UBAP2L: variants seen among roughly 807,000 people sequenced by gnomAD.
UBAP2L encodes the protein ubiquitin associated protein 2 like.
In UBAP2L, 12 loss-of-function variants were observed where a neutral mutation model predicts 130.6. That is an observed-to-expected ratio of 0.09 (90% CI 0.06 to 0.15). The LOEUF (loss-of-function observed/expected upper bound fraction) is 0.15. UBAP2L is among the 10% of genes least tolerant of loss of function. UBAP2L has a pLI of 1.00. For missense variants in UBAP2L, 965 were observed against 1,332.5 expected, an observed-to-expected ratio of 0.72 and a Z score of 4.29; for synonymous variants, 503 against 524.7, an observed-to-expected ratio of 0.96 and a Z score of 0.57.
In UBAP2L at chr1:154,257,338, T is replaced by C. The variant is rs763717963; in HGVS notation, c.2354-8T>C. ...TGTGATGGGATAAAAATGTAATTTC[T>C]CTTTTAGGAAAAGCTCCTCCCAACC... On this transcript the variant is annotated splice_region_variant and splice_polypyrimidine_tract_variant and intron_variant, in intron 19 of 26. Transcript: ENST00000428931. The C allele has an allele frequency of 6.2e-7, 1 of 1,614,144 alleles. No homozygotes were observed. The highest frequency in any genetic ancestry group is 1.1e-5 in the South Asian group (1 of 91,080).
rs1671925805 is a variant in UBAP2L, at chr1:154,237,080, A to G, written c.647A>G (p.Asn216Ser). ...EPANTDDNYG[N>S]SSGNTWNNTG... ...GCCAATACTGATGATAACTATGGCA[A>G]TAGCAGCGGCAATACGTGGAACAAC... The change falls in exon 8 of 27, where the codon AAT becomes AGT. Residue 216 changes from asparagine (N) to serine (S), a missense_variant. By Grantham distance (46) the Asn-to-Ser change is conservative. Coordinates refer to ENST00000428931, the MANE Select transcript of UBAP2L (RefSeq NM_014847.4). 2 of 1,614,212 alleles carry G rather than the reference A, an allele frequency of 1.2e-6. No homozygotes were observed. Among genetic ancestry groups the G allele is most frequent in the South Asian group, 1.1e-5 (1 of 91,084 alleles).
Position 154,251,552 on chromosome 1 carries a change from G to A in UBAP2L, c.1563G>A (p.Leu521=), listed in dbSNP as rs780427408. 1 of 1,614,100 alleles carries A rather than the reference G, an allele frequency of 6.2e-7. No individual in the cohort carries two copies. Among genetic ancestry groups the A allele is most frequent in the Non-Finnish European group, 8.5e-7 (1 of 1,180,016 alleles). The change falls in exon 14 of 27, where the codon TTG becomes TTA. Residue 521 remains leucine, a synonymous_variant. Transcript: ENST00000428931. ...ISGLNLQFGA[L]QFGSEPVLSD... ...GGCTAAACCTGCAGTTTGGGGCATT[G>A]CAGTTTGGGTCAGAGCCTGTCCTTT...
intron 24 of UBAP2L, among the ~76,000 whole-genome samples, chr1:154,262,648 A>C (rs930968715): frequency 6.6e-6 from 1 of 152,166 alleles, no homozygotes; most frequent in East Asian, 1.9e-4. Flanking sequence ...ATAATTGGGA[A>C]GAGCACAGAA....
chr1:154,249,191 A>T, intron 11 of UBAP2L, 48 bp from the exon 12 acceptor site: 1 of 1,596,724 alleles, frequency 6.3e-7, no homozygotes, highest in Non-Finnish European at 8.6e-7. Flanking sequence ...GAGTAGCTGA[A>T]CAAGGTTACT....
In UBAP2L at chr1:154,270,202, G is replaced by A. The variant is rs372355938; in HGVS notation, c.3171G>A (p.Thr1057=). ...LHHHLQQDGQ[T]GSGQRSQTSS... The stretch of plus-strand genomic sequence containing the variant: ...ATGATCCTCCCATTCCCCTGCAGAC[G>A]GGCAGCGGGCAACGTAGCCAGACCA... The change falls in exon 27 of 27, where the codon ACG becomes ACA. Residue 1057 remains threonine, a splice_region_variant and synonymous_variant. Coordinates refer to ENST00000428931, the MANE Select transcript of UBAP2L (RefSeq NM_014847.4). The A allele has an allele frequency of 6.9e-6, 11 of 1,596,170 alleles. No individual in the cohort carries two copies. Among genetic ancestry groups the A allele is most frequent in the East Asian group, 2.2e-5 (1 of 44,492 alleles).
chr1:154,253,312 T>G (rs1678441047), intron 14 of UBAP2L, among the ~76,000 whole-genome samples: 1 of 152,106 alleles, frequency 6.6e-6, no homozygotes, highest in Non-Finnish European at 1.5e-5. Flanking sequence ...CCACTTTTTC[T>G]TATAACAGCA....
At chr1:154,233,139 G>A (rs1461532932) in intron 4 of UBAP2L, among the ~76,000 whole-genome samples, 4 of 151,716 alleles carry the variant, frequency 2.6e-5, no homozygotes, top group African/African-American at 7.3e-5. Flanking sequence ...CCAGTCTCCC[G>A]AGTAGCGGGG....
intron 25 of UBAP2L, 42 bp downstream of exon 25, chr1:154,266,610 A>G (rs780157080): frequency 4.4e-6 from 7 of 1,594,576 alleles, no homozygotes; most frequent in South Asian, 2.2e-5. Context: ...AGAGATAGAC[A>G]TAGAGGAGGT....
chr1:154,239,611 A>C (rs1672827108), intron 8 of UBAP2L, among the ~76,000 whole-genome samples: 1 of 152,164 alleles, frequency 6.6e-6, no homozygotes, highest in African/African-American at 2.4e-5. Context: ...CTCAGCCATG[A>C]CCGTATATCC....
At chr1:154,228,537 T>G (rs1668742576) in intron 3 of UBAP2L, 78 bp from the exon 4 acceptor site, 1 of 1,117,994 alleles carries the variant, frequency 8.9e-7, no homozygotes, top group South Asian at 1.3e-5. Context: ...CTGATAGCGT[T>G]TCCCTTCACC....
intron 26 of UBAP2L, 131 bp downstream of exon 26, chr1:154,269,085 C>T (rs1414439826): frequency 9.1e-7 from 1 of 1,104,622 alleles, no homozygotes; most frequent in Non-Finnish European, 1.3e-6. Context: ...CAGTCATGGG[C>T]ACACAGCACA....
At chr1:154,253,805 C>T in intron 14 of UBAP2L, 95 bp from the exon 15 acceptor site, 1 of 1,266,376 alleles carries the variant, frequency 7.9e-7, no homozygotes. Context: ...TGATTCAAAT[C>T]AAGTTATTCC....
At chr1:154,250,727 G>A (rs1434062922) in intron 12 of UBAP2L, among the ~76,000 whole-genome samples, 3 of 151,660 alleles carry the variant, frequency 2.0e-5, no homozygotes, top group Non-Finnish European at 4.4e-5. Context: ...GGTGGCGCGC[G>A]CCTGTAGTCC....
chr1:154,228,547 C>G, intron 3 of UBAP2L, 68 bp from the exon 4 acceptor site: 3 of 1,208,756 alleles, frequency 2.5e-6, no homozygotes, highest in South Asian at 1.3e-5. Flanking sequence ...TTCCCTTCAC[C>G]TAGTTTCCTT....
intron 4 of UBAP2L, among the ~76,000 whole-genome samples, chr1:154,234,002 A>G (rs1215601693): frequency 6.6e-6 from 1 of 151,968 alleles, no homozygotes; most frequent in Non-Finnish European, 1.5e-5. Flanking sequence ...TGATCCCTGC[A>G]ATGTTTCCTA....
At chr1:154,240,999 T>G (rs1319202558) in intron 8 of UBAP2L, among the ~76,000 whole-genome samples, 1 of 139,152 alleles carries the variant, frequency 7.2e-6, no homozygotes, top group Non-Finnish European at 1.5e-5. Flanking sequence ...AATCATAATC[T>G]TATTAAAACC....
chr1:154,259,225 T>C (rs1156230934), intron 21 of UBAP2L, among the ~76,000 whole-genome samples, 195 bp downstream of exon 21: 1 of 152,066 alleles, frequency 6.6e-6, no homozygotes, highest in Non-Finnish European at 1.5e-5. Flanking sequence ...AGAGTCTTTC[T>C]CTGTCGCTCA....
chr1:154,249,665 G>T (rs1676819999), intron 12 of UBAP2L, among the ~76,000 whole-genome samples: 1 of 152,020 alleles, frequency 6.6e-6, no homozygotes, highest in African/African-American at 2.4e-5. Flanking sequence ...GCTGGGCATG[G>T]TAGCTTACAC....
chr1:154,220,525 C>A (rs939330791), upstream of UBAP2L: 318 of 1,114,190 alleles, frequency 2.9e-4, 1 homozygote, highest in Middle Eastern at 2.0e-4. Flanking sequence ...CATTTCCTTA[C>A]GGGGGAAGAC....
Sources: allele counts gnomAD v4.1 joint callset (sites outside exome capture counted in the v4.1 genomes callset), GRCh38; gene constraint gnomAD v4.1.1; transcripts MANE v1.5; gene names NCBI Gene and HGNC (gene_info 2026-07-23, HGNC 2026-07-21).